ADAMTSL1: variants seen among roughly 807,000 people sequenced by gnomAD.
The protein encoded by ADAMTSL1 is ADAMTS like 1.
Under a neutral mutation model 201.8 loss-of-function variants are expected in ADAMTSL1, and 126 were observed. The observed-to-expected ratio is 0.62, with a 90% confidence interval of 0.54 to 0.72. The LOEUF (loss-of-function observed/expected upper bound fraction) is 0.72. Among genes scored for constraint, ADAMTSL1 ranks in the 30% least tolerant of loss-of-function variants. The pLI, the probability that ADAMTSL1 is intolerant of heterozygous loss-of-function variation, is 0.00. For missense variants in ADAMTSL1, 2,679 were observed against 2,277.8 expected (o/e 1.18, Z -3.59); for synonymous variants, 1,121 against 903.4 (o/e 1.24, Z -4.32).
At chr9:18,860,366 A>AAAT (rs1487914439) in intron 23 of ADAMTSL1, among the ~76,000 whole-genome samples, 1 of 152,304 alleles carries the variant, frequency 6.6e-6, no homozygotes, top group East Asian at 1.9e-4. Context: ...ACCCCTTTAT[A>AAAT]AATAAGATTT....
chr9:18,685,115 A>G (rs1830747279), intron 13 of ADAMTSL1, among the ~76,000 whole-genome samples: 1 of 152,234 alleles, frequency 6.6e-6, no homozygotes, highest in Non-Finnish European at 1.5e-5. Context: ...AGCTGATGAT[A>G]TAACATAGAT....
intron 20 of ADAMTSL1, among the ~76,000 whole-genome samples, chr9:18,802,283 A>T (rs549542929): frequency 6.6e-6 from 1 of 152,044 alleles, no homozygotes; most frequent in African/African-American, 2.4e-5. Flanking sequence ...AAAACAAAAA[A>T]AACAGGAGTT....
At chr9:18,578,214 G>A (rs1822862617) in intron 4 of ADAMTSL1, among the ~76,000 whole-genome samples, 1 of 152,188 alleles carries the variant, frequency 6.6e-6, no homozygotes, top group East Asian at 1.9e-4. Context: ...TTTATCCCAT[G>A]AGCTGAGATT....
At chr9:18,559,849 C>T (rs561736543) in intron 3 of ADAMTSL1, among the ~76,000 whole-genome samples, 1 of 152,120 alleles carries the variant, frequency 6.6e-6, no homozygotes. Flanking sequence ...GATTTTTGTA[C>T]ATTGATTTTG....
intron 2 of ADAMTSL1, among the ~76,000 whole-genome samples, chr9:18,166,891 T>G (rs952427946): frequency 2.0e-5 from 3 of 151,962 alleles, no homozygotes; most frequent in Non-Finnish European, 2.9e-5. Context: ...CAGTGATACT[T>G]TCTCAATCCC....
intron 19 of ADAMTSL1, among the ~76,000 whole-genome samples, chr9:18,786,471 T>G (rs562673953): frequency 6.6e-6 from 1 of 152,076 alleles, no homozygotes; most frequent in African/African-American, 2.4e-5. Context: ...GTTTTCTTAT[T>G]AGTTAAACTA....
intron 26 of ADAMTSL1, among the ~76,000 whole-genome samples, chr9:18,898,914 C>T (rs917938136): frequency 6.6e-6 from 1 of 152,182 alleles, no homozygotes; most frequent in African/African-American, 2.4e-5. Context: ...CCTCTCTCAC[C>T]ACTCCTAGGC....
intron 1 of ADAMTSL1, among the ~76,000 whole-genome samples, chr9:18,078,497 G>T (rs1823329707): frequency 6.6e-6 from 1 of 152,158 alleles, no homozygotes; most frequent in Non-Finnish European, 1.5e-5. Context: ...TAACTTTCAG[G>T]CTCATCCAGG....
At chr9:17,996,619 G>C (rs16936198) in intron 1 of ADAMTSL1, among the ~76,000 whole-genome samples, 2,221 of 152,010 alleles carry the variant, frequency 0.015, 62 homozygotes, top group African/African-American at 0.05. Context: ...TTCCCATATT[G>C]AATCCCAAAG....
chr9:18,579,743 C>G (rs1471668884), intron 4 of ADAMTSL1, among the ~76,000 whole-genome samples: 1 of 152,164 alleles, frequency 6.6e-6, no homozygotes. Flanking sequence ...ATTATCAACT[C>G]CTGATCCAGG....
intron 1 of ADAMTSL1, among the ~76,000 whole-genome samples, chr9:18,485,263 G>T (rs546657495): frequency 3.3e-5 from 5 of 152,052 alleles, no homozygotes; most frequent in Non-Finnish European, 7.4e-5. Context: ...AAGGTCATTT[G>T]AAAAAGCCAA....
chr9:18,431,095 C>T (rs548436075), intron 2 of ADAMTSL1, among the ~76,000 whole-genome samples: 3 of 152,290 alleles, frequency 2.0e-5, no homozygotes, highest in Admixed American at 2.0e-4. Flanking sequence ...ACTAGGTGTA[C>T]ACACTACACA....
rs575143991 is a variant in ADAMTSL1, at chr9:18,710,828, A to G, written c.1876+3780A>G. The stretch of plus-strand genomic sequence containing the variant: ...AATCTTTACATCCAAACGTTAATGC[A>G]TACAAAGCAACATGGCATTGTTAAA... On this transcript the variant is annotated intron_variant, in intron 14 of 28. Transcript: ENST00000380548. Among the ~76,000 whole-genome samples, 27 of 152,230 alleles carry G rather than the reference A, an allele frequency of 1.8e-4. No homozygotes were observed. The South Asian group carries it at 2.7e-3, about 15-fold the overall frequency.
chr9:18,407,885 A>G (rs1818271802), intron 2 of ADAMTSL1, among the ~76,000 whole-genome samples: 2 of 152,340 alleles, frequency 1.3e-5, no homozygotes, highest in African/African-American at 4.8e-5. Flanking sequence ...CTTTGCTAGG[A>G]GAAGAAGGAA....
At chr9:17,936,805 A>G (rs1048906722) in intron 1 of ADAMTSL1, among the ~76,000 whole-genome samples, 5 of 152,138 alleles carry the variant, frequency 3.3e-5, no homozygotes, top group Non-Finnish European at 7.4e-5. Flanking sequence ...CTCCCCTTCC[A>G]CAAATAAACT....
chr9:17,984,777 C>G (rs1818856477), intron 1 of ADAMTSL1, among the ~76,000 whole-genome samples: 1 of 152,082 alleles, frequency 6.6e-6, no homozygotes, highest in African/African-American at 2.4e-5. Context: ...CCTTTTCCTT[C>G]TTTTTAAATG....
In ADAMTSL1 at chr9:18,051,327, TATATAACA is replaced by T. The variant is rs199606695; in HGVS notation, c.88-112534_88-112527del. 7.1e-3 allele frequency among the ~76,000 whole-genome samples: 1,080 copies of T among 152,096 alleles called. 20 individuals are homozygous for T. Among genetic ancestry groups the T allele is most frequent in the African/African-American group, 0.024 (1,009 of 41,480 alleles). On this transcript the variant is annotated intron_variant, in intron 1 of 29. Coordinates refer to the ADAMTSL1 transcript ENST00000680146. ...AAAAAAAAATTATATATATCCACAC[TATATAACA>T]TTATAGACTGATCATCACTTGCTGT...
rs117676895 is a variant in ADAMTSL1 at position 18,174,985 on chromosome 9, A to G, written c.207+11004A>G. On this transcript the variant is annotated intron_variant, in intron 2 of 29. Transcript: ENST00000680146. ...TGAATATTAAAAGAATTAAAGATCTATATTGTTTAAACATATAAACGTTTC... is the reference window on the plus strand; with the variant it reads ...TGAATATTAAAAGAATTAAAGATCTGTATTGTTTAAACATATAAACGTTTC... Among the ~76,000 whole-genome samples, 16 of 152,350 alleles carry G rather than the reference A, an allele frequency of 1.1e-4. No individual in the cohort carries two copies. In the East Asian group the frequency reaches 3.1e-3, roughly 29 times the overall value.
chr9:18,151,376 T>G (rs1337186518), intron 1 of ADAMTSL1, among the ~76,000 whole-genome samples: 1 of 152,086 alleles, frequency 6.6e-6, no homozygotes, highest in African/African-American at 2.4e-5. Flanking sequence ...AATTCACAGT[T>G]TCTCAGAGTT....
Sources: allele counts gnomAD v4.1 joint callset (sites outside exome capture counted in the v4.1 genomes callset), GRCh38; gene constraint gnomAD v4.1.1; transcripts MANE v1.5; gene names NCBI Gene and HGNC (gene_info 2026-07-23, HGNC 2026-07-21).